Variants in VPS35L observed in about 807,000 individuals in gnomAD.
The protein encoded by VPS35L is VPS35 endosomal protein sorting factor like.
Under a neutral mutation model 133.0 loss-of-function variants are expected in VPS35L, and 83 were observed. The observed-to-expected ratio is 0.62, with a 90% confidence interval of 0.52 to 0.75. The LOEUF is 0.75. VPS35L is among the 30% of genes least tolerant of loss of function. The probability of loss-of-function intolerance (pLI) is 0.00; values close to 1 mark genes in which losing one functional copy is unlikely to be tolerated. For synonymous variants in VPS35L, 423 were observed against 449.9 expected (o/e 0.94, Z 0.76); for missense variants, 1,083 against 1,206.8 (o/e 0.90, Z 1.52).
intron 26 of VPS35L, among the ~76,000 whole-genome samples, chr16:19,662,570 G>A (rs1406070448): frequency 6.6e-6 from 1 of 152,120 alleles, no homozygotes; most frequent in African/African-American, 2.4e-5. Context: ...AATTAACATT[G>A]CCGACCTCCT....
intron 8 of VPS35L, among the ~76,000 whole-genome samples, chr16:19,600,604 G>C (rs900387013): frequency 6.6e-6 from 1 of 152,296 alleles, no homozygotes; most frequent in East Asian, 1.9e-4. Flanking sequence ...CTGTGTGCCA[G>C]GCACTGATCA....
In VPS35L at chr16:19,616,685, G is replaced by C; in HGVS notation, c.1102-1G>C. The C allele has an allele frequency of 1.9e-6, 3 of 1,613,418 alleles. No homozygotes were observed. Among genetic ancestry groups the C allele is most frequent in the Non-Finnish European group, 2.5e-6 (3 of 1,179,684 alleles). On this transcript the variant is annotated splice_acceptor_variant, in intron 13 of 30. Transcript: ENST00000417362. LOFTEE classifies it high-confidence loss of function. ...CTAAGTGTTTGTTTGGCCTCCTGTA[G>C]ATTCATGGGGATACGGTCCAGAACC...
intron 28 of VPS35L, among the ~76,000 whole-genome samples, chr16:19,684,262 A>G (rs1975382885): frequency 6.6e-6 from 1 of 152,278 alleles, no homozygotes; most frequent in African/African-American, 2.4e-5. Flanking sequence ...GAGCCCAAGT[A>G]TCCTCCTGCC....
At chr16:19,570,868 TATATATATATATATA>T (rs1971350815) in intron 3 of VPS35L, among the ~76,000 whole-genome samples, 2 of 85,412 alleles carry the variant, frequency 2.3e-5, no homozygotes, top group African/African-American at 1.1e-4. Context: ...TATATATATA[TATATATATATATATA>T]TATATATTTT....
At chr16:19,643,014 C>A (rs879876345) in intron 22 of VPS35L, among the ~76,000 whole-genome samples, 5 of 152,048 alleles carry the variant, frequency 3.3e-5, no homozygotes, top group African/African-American at 1.2e-4. Context: ...AAATTTTAGT[C>A]CCCCAAGAAT....
chr16:19,633,760 CG>C lies in VPS35L; in HGVS notation c.1635+590del, dbSNP rs1973532908. Among the ~76,000 whole-genome samples the C allele has an allele frequency of 6.6e-6, 1 of 151,902 alleles. No individual in the cohort carries two copies. The highest frequency in any genetic ancestry group is 6.6e-5 in the Admixed American group (1 of 15,246). Reference sequence around the variant, plus strand: ...TTTTTGTTTTTGTTTTGTTTTGAGACGGAGTCTTGCTCTGTTGCCCAGGCTG... The same window carrying C: ...TTTTTGTTTTTGTTTTGTTTTGAGACGAGTCTTGCTCTGTTGCCCAGGCTG... On this transcript the variant is annotated intron_variant, in intron 19 of 30. Coordinates refer to ENST00000417362, the MANE Select transcript of VPS35L (RefSeq NM_020314.7). This position sits in a 1 kb window ranked among gnomAD's most constrained non-coding sequence, Gnocchi z 4.1.
At chr16:19,642,542 G>C in intron 22 of VPS35L, 66 bp downstream of exon 22, 1 of 1,323,106 alleles carries the variant, frequency 7.6e-7, no homozygotes, top group South Asian at 1.3e-5. Context: ...TAGGACATTA[G>C]GGAATGACTG....
intron 7 of VPS35L, among the ~76,000 whole-genome samples, chr16:19,590,468 A>G (rs1305469308): frequency 6.6e-6 from 1 of 152,072 alleles, no homozygotes; most frequent in Non-Finnish European, 1.5e-5. Flanking sequence ...TTAATTCCTT[A>G]TGCTGACTTT....
intron 27 of VPS35L, among the ~76,000 whole-genome samples, chr16:19,678,150 GA>G (rs1975128666): frequency 2.0e-5 from 3 of 152,186 alleles, no homozygotes; most frequent in Non-Finnish European, 4.4e-5. Context: ...TTTTGCCATT[GA>G]AAATAATTAC....
intron 7 of VPS35L, among the ~76,000 whole-genome samples, chr16:19,587,096 AAGAG>A (rs58638665): frequency 3.6e-5 from 5 of 139,312 alleles, no homozygotes; most frequent in African/African-American, 9.9e-5. Flanking sequence ...AGGAGAGAGA[AAGAG>A]AGAGAGAGAG....
intron 28 of VPS35L, among the ~76,000 whole-genome samples, chr16:19,687,757 A>G (rs543407325): frequency 1.3e-5 from 2 of 152,240 alleles, no homozygotes; most frequent in East Asian, 3.9e-4. Flanking sequence ...ATCCTTGTAG[A>G]GACAACAAGC....
chr16:19,691,567 G>C (rs1040932751), intron 29 of VPS35L, 96 bp downstream of exon 29: 11 of 901,796 alleles, frequency 1.2e-5, no homozygotes, highest in African/African-American at 1.6e-5. Context: ...AGGAAACTAT[G>C]TCATGTGAGT....
chr16:19,639,992 T>C lies in VPS35L; in HGVS notation c.1699-23T>C. The C allele has an allele frequency of 1.9e-6, 3 of 1,592,902 alleles. No homozygotes were observed. Among genetic ancestry groups the C allele is most frequent in the Non-Finnish European group, 2.6e-6 (3 of 1,160,964 alleles). On this transcript the variant is annotated intron_variant, in intron 20 of 30. Coordinates refer to ENST00000417362, the MANE Select transcript of VPS35L (RefSeq NM_020314.7). This position sits in a 1 kb window ranked among gnomAD's most constrained non-coding sequence, Gnocchi z 4.1. Reference sequence around the variant, plus strand: ...TCCAATAACTTGTGTCATTTGCATATAGAGTGCTTGCTTTATTTATAGGAA... The same window carrying C: ...TCCAATAACTTGTGTCATTTGCATACAGAGTGCTTGCTTTATTTATAGGAA...
In VPS35L at chr16:19,573,056, T is replaced by A. The variant is rs1217096817; in HGVS notation, c.286-63T>A. On this transcript the variant is annotated intron_variant, in intron 3 of 30. Coordinates refer to ENST00000417362, the MANE Select transcript of VPS35L (RefSeq NM_020314.7). ...AAGGACTATCTGGCTTCTATTTATA[T>A]ATGTATATATTTAAAGATCAAAATG... The A allele has an allele frequency of 2.0e-6, 3 of 1,527,262 alleles. No individual in the cohort carries two copies. The African/African-American group carries it at 4.2e-5, about 21-fold the overall frequency. 94.6% of individuals were successfully genotyped at this position (1,527,262 alleles called of 1,614,324 possible).
intron 8 of VPS35L, among the ~76,000 whole-genome samples, chr16:19,598,587 C>T: frequency 6.6e-6 from 1 of 151,994 alleles, no homozygotes; most frequent in Admixed American, 6.6e-5. Context: ...AGTTCAAGAC[C>T]AGCCTGAGCA....
Position 19,594,000 on chromosome 16 carries a change from C to T in VPS35L, c.724+2126C>T, listed in dbSNP as rs938639411. ...GAGCTTCACAAGCTGTCCTCAGCTT[C>T]TGCTAGCTTTATTGCTAGTGGTCCC... On this transcript the variant is annotated intron_variant, in intron 8 of 30. Transcript: ENST00000417362. 8.5e-5 allele frequency among the ~76,000 whole-genome samples: 13 copies of T among 152,252 alleles called. 1 individual carries two copies. The highest frequency in any genetic ancestry group is 3.4e-3 in the Middle Eastern group (1 of 294).
intron 23 of VPS35L, among the ~76,000 whole-genome samples, chr16:19,646,487 G>A (rs1055867641): frequency 2.0e-5 from 3 of 152,084 alleles, no homozygotes; most frequent in Non-Finnish European, 4.4e-5. Flanking sequence ...CCAACATGGT[G>A]AAACCCTGTC....
At chr16:19,655,131 G>A (rs1974257248) in intron 26 of VPS35L, among the ~76,000 whole-genome samples, 1 of 152,158 alleles carries the variant, frequency 6.6e-6, no homozygotes, top group African/African-American at 2.4e-5. Context: ...ACTGTGCATG[G>A]ATAAAGACAG....
chr16:19,628,742 A>C lies in VPS35L; in HGVS notation c.1489A>C (p.Lys497Gln). Reference protein sequence around the residue: ...NEAWKVITKLKNPQDYINCAE... With the variant: ...NEAWKVITKLQNPQDYINCAE... Reference sequence around the variant, plus strand: ...AGCTTGGAAAGTCATCACTAAGCTGAAGAACCCACAGGTGAGTGGCCATTT... The same window carrying C: ...AGCTTGGAAAGTCATCACTAAGCTGCAGAACCCACAGGTGAGTGGCCATTT... The change falls in exon 17 of 31, where the codon AAG becomes CAG. Residue 497 changes from lysine (K) to glutamine (Q), a missense_variant. Transcript: ENST00000417362. The C allele has an allele frequency of 6.6e-7, 1 of 1,523,722 alleles. No individual in the cohort carries two copies. Among genetic ancestry groups the C allele is most frequent in the African/African-American group, 1.4e-5 (1 of 72,248 alleles). 94.4% of individuals were successfully genotyped at this position (1,523,722 alleles called of 1,614,324 possible).
Sources: gnomAD v4.1 joint callset for allele counts (sites outside exome capture counted in the v4.1 genomes callset) on GRCh38, gnomAD v4.1.1 for gene constraint, Gnocchi (gnomAD v3.1) non-coding constraint, MANE v1.5 for transcripts, NCBI Gene and HGNC (gene_info 2026-07-23, HGNC 2026-07-21) for gene names.